The following FOXP1 variants were observed in gnomAD, a reference collection of about 807,000 sequenced individuals.
FOXP1 encodes the protein forkhead box protein P1.
A neutral mutation model predicts 98.2 loss-of-function variants in FOXP1; 15 were observed. That is an observed-to-expected ratio of 0.15 (90% CI 0.10 to 0.24). The LOEUF is 0.24. Ranked by LOEUF, FOXP1 falls within the 10% of genes least tolerant of loss-of-function variation. The pLI is 1.00. For synonymous variants in FOXP1, 371 were observed against 314.5 expected (o/e 1.18, Z -1.90); for missense variants, 633 against 848.5 (o/e 0.75, Z 3.15).
chr3:71,036,284 G>T (rs972383521), intron 11 of FOXP1, among the ~76,000 whole-genome samples: 1 of 152,182 alleles, frequency 6.6e-6, no homozygotes, highest in Non-Finnish European at 1.5e-5. Flanking sequence ...AAGGACTATC[G>T]TGACTGAAGA....
At chr3:71,075,766 G>A (rs1379132958) in intron 7 of FOXP1, among the ~76,000 whole-genome samples, 1 of 151,736 alleles carries the variant, frequency 6.6e-6, no homozygotes, top group Non-Finnish European at 1.5e-5. Context: ...CCAGACTGGA[G>A]TGCAGTAGCA....
chr3:71,328,919 C>A (rs867637961), intron 4 of FOXP1, among the ~76,000 whole-genome samples: 1 of 140,560 alleles, frequency 7.1e-6, no homozygotes, highest in African/African-American at 2.6e-5. Context: ...TGTGGTGAGC[C>A]GAGATCGTGC....
intron 5 of FOXP1, among the ~76,000 whole-genome samples, chr3:71,278,783 A>AAAAC (rs774968882): frequency 1.3e-5 from 2 of 152,124 alleles, no homozygotes; most frequent in African/African-American, 2.4e-5. Context: ...CTCCATCTCG[A>AAAAC]AAACAAACAA....
intron 14 of FOXP1, 81 bp downstream of exon 14, chr3:70,987,913 C>T (rs2040007198): frequency 1.5e-6 from 2 of 1,329,910 alleles, no homozygotes; most frequent in Admixed American, 1.7e-5. Context: ...GCTGGTCCTC[C>T]TTCCTCCATT....
At chr3:71,304,841 A>T (rs2074141072) in intron 4 of FOXP1, 1 of 152,126 alleles carries the variant, frequency 6.6e-6, no homozygotes. Context: ...ACAGTTTCCA[A>T]CCGGCGGGGG....
chr3:71,380,137 G>C (rs770205500), intron 3 of FOXP1, among the ~76,000 whole-genome samples: 18 of 152,120 alleles, frequency 1.2e-4, no homozygotes, highest in Non-Finnish European at 2.5e-4. Context: ...GGGAGGAGTT[G>C]GGATATAAAA....
chr3:71,019,291 G>A (rs1167052149), intron 11 of FOXP1, among the ~76,000 whole-genome samples: 1 of 152,184 alleles, frequency 6.6e-6, no homozygotes, highest in Non-Finnish European at 1.5e-5. Context: ...TAATCATTTA[G>A]ATAAATTATT....
chr3:71,498,607 A>C (rs969829940), intron 2 of FOXP1, among the ~76,000 whole-genome samples: 1 of 152,124 alleles, frequency 6.6e-6, no homozygotes, highest in South Asian at 2.1e-4. Context: ...GGATTGAGGA[A>C]CTGCAGAATT....
intron 6 of FOXP1, among the ~76,000 whole-genome samples, chr3:71,154,019 T>C (rs748053516): frequency 5.3e-5 from 8 of 152,212 alleles, no homozygotes; most frequent in East Asian, 1.9e-4. Context: ...GGTCTAGATA[T>C]TGTGTAATCT....
chr3:71,583,037 C>G (rs2048313751), intron 1 of FOXP1, among the ~76,000 whole-genome samples: 1 of 151,748 alleles, frequency 6.6e-6, no homozygotes, highest in African/African-American at 2.4e-5. Context: ...GCCCGGCGCG[C>G]GCCCCCTCCC....
chr3:71,335,639 T>G (rs910161166), intron 4 of FOXP1, among the ~76,000 whole-genome samples: 5 of 152,158 alleles, frequency 3.3e-5, no homozygotes, highest in African/African-American at 1.2e-4. Flanking sequence ...AAGATAATTG[T>G]CTTGAAACAC....
intron 5 of FOXP1, among the ~76,000 whole-genome samples, chr3:71,201,713 T>C (rs2063686610): frequency 6.6e-6 from 1 of 152,000 alleles, no homozygotes; most frequent in African/African-American, 2.4e-5. Flanking sequence ...GCATTTGTCT[T>C]AGAGTAGGTA....
At chr3:71,496,973 T>TGTGTGTGTGTGTGTGTGTGTGTGTGTG (rs2091464029) in intron 2 of FOXP1, among the ~76,000 whole-genome samples, 1 of 151,890 alleles carries the variant, frequency 6.6e-6, no homozygotes, top group Non-Finnish European at 1.5e-5. Flanking sequence ...TGTGTGTGTG[T>TGTGTGTGTGTGTGTGTGTGTGTGTGTG]GTGTGTGTGT....
At chr3:71,260,777 T>C (rs1432932386) in intron 5 of FOXP1, among the ~76,000 whole-genome samples, 3 of 151,872 alleles carry the variant, frequency 2.0e-5, no homozygotes, top group Non-Finnish European at 4.4e-5. Flanking sequence ...CTCCTGACCT[T>C]GTGATCCGCC....
intron 20 of FOXP1, among the ~76,000 whole-genome samples, chr3:70,963,256 C>A (rs1008147959): frequency 1.6e-4 from 24 of 152,172 alleles, no homozygotes. Flanking sequence ...TACTGTGTGA[C>A]CACCTGATGA....
At chr3:71,120,254 T>C (rs1340952579) in intron 6 of FOXP1, among the ~76,000 whole-genome samples, 1 of 152,206 alleles carries the variant, frequency 6.6e-6, no homozygotes, top group South Asian at 2.1e-4. Flanking sequence ...TCATTGGTAG[T>C]AAATTCACTT....
At chr3:71,573,190 C>A (rs1413849471) in intron 2 of FOXP1, among the ~76,000 whole-genome samples, 2 of 152,152 alleles carry the variant, frequency 1.3e-5, no homozygotes, top group Non-Finnish European at 2.9e-5. Context: ...AAAACAAAAG[C>A]AAACACAGAA....
chr3:71,364,319 G>A (rs911062763), intron 3 of FOXP1, among the ~76,000 whole-genome samples: 1 of 152,126 alleles, frequency 6.6e-6, no homozygotes, highest in African/African-American at 2.4e-5. Context: ...CTAAGCTAAG[G>A]GTAGTAAAAG....
intron 3 of FOXP1, among the ~76,000 whole-genome samples, chr3:71,421,429 C>G: frequency 6.6e-6 from 1 of 152,244 alleles, no homozygotes; most frequent in Admixed American, 6.5e-5. Flanking sequence ...CTAGAACAAT[C>G]TAGTTATCTT....
Sources: allele counts gnomAD v4.1 joint callset (sites outside exome capture counted in the v4.1 genomes callset), GRCh38; gene constraint gnomAD v4.1.1; transcripts MANE v1.5; gene names NCBI Gene and HGNC (gene_info 2026-07-23, HGNC 2026-07-21).